The following LRRC4C variants were observed in gnomAD, a reference collection of about 807,000 sequenced individuals.
LRRC4C encodes the protein leucine-rich repeat-containing protein 4C.
In LRRC4C, 5 loss-of-function variants were observed where a neutral mutation model predicts 33.6. The ratio of observed to expected loss-of-function variants is 0.15; its 90% CI spans 0.08 to 0.31. The LOEUF is 0.31. Ranked by LOEUF, LRRC4C falls within the 10% of genes least tolerant of loss-of-function variation. The pLI, the probability that LRRC4C is intolerant of heterozygous loss-of-function variation, is 1.00. For missense variants in LRRC4C, 560 were observed against 796.7 expected, an observed-to-expected ratio of 0.70 and a Z score of 3.58; for synonymous variants, 329 against 302.0, an observed-to-expected ratio of 1.09 and a Z score of -0.93.
chr11:40,721,030 T>C (rs907546896), intron 2 of LRRC4C, among the ~76,000 whole-genome samples: 5 of 152,200 alleles, frequency 3.3e-5, no homozygotes, highest in Admixed American at 3.3e-4. Context: ...TTTCTATACT[T>C]ACTATTAGTA....
chr11:41,026,422 A>C (rs761417396), intron 1 of LRRC4C, among the ~76,000 whole-genome samples: 2 of 151,670 alleles, frequency 1.3e-5, no homozygotes, highest in South Asian at 2.1e-4. Context: ...TTAGGATCAA[A>C]CTTTAATGAG....
intron 3 of LRRC4C, among the ~76,000 whole-genome samples, chr11:40,555,930 C>T (rs563057453): frequency 4.3e-4 from 65 of 152,120 alleles, no homozygotes; most frequent in African/African-American, 1.5e-3. Flanking sequence ...TTTCAATGTT[C>T]CTTATTTTAT....
chr11:41,087,416 C>A (rs76299061), intron 1 of LRRC4C, among the ~76,000 whole-genome samples: 10,539 of 152,212 alleles, frequency 0.069, 559 homozygotes, highest in East Asian at 0.21. Flanking sequence ...ATGAGCATTT[C>A]CAACTTGTTT....
chr11:40,490,586 C>T (rs1289875022), intron 3 of LRRC4C, among the ~76,000 whole-genome samples: 3 of 152,156 alleles, frequency 2.0e-5, no homozygotes, highest in African/African-American at 7.2e-5. Flanking sequence ...TCTCTTAACC[C>T]TTGGGCCTGA....
chr11:40,790,679 A>C (rs1047637984), intron 2 of LRRC4C, among the ~76,000 whole-genome samples: 1 of 152,210 alleles, frequency 6.6e-6, no homozygotes, highest in Non-Finnish European at 1.5e-5. Flanking sequence ...TCTGTAAAAC[A>C]TATCTTTCAG....
chr11:40,978,733 T>C (rs1484919371), intron 1 of LRRC4C, among the ~76,000 whole-genome samples: 3 of 151,468 alleles, frequency 2.0e-5, no homozygotes, highest in African/African-American at 7.3e-5. Context: ...GCGATTCTCC[T>C]GCCTCAACCT....
At chr11:40,713,002 C>A (rs1056959833) in intron 2 of LRRC4C, among the ~76,000 whole-genome samples, 2 of 151,638 alleles carry the variant, frequency 1.3e-5, no homozygotes, top group African/African-American at 4.8e-5. Flanking sequence ...GATTCTCCTG[C>A]CTCAGTCTCC....
intron 3 of LRRC4C, among the ~76,000 whole-genome samples, chr11:40,452,964 C>A (rs192318386): frequency 5.4e-4 from 75 of 138,706 alleles, no homozygotes; most frequent in Non-Finnish European, 7.9e-4. Context: ...TCTCACTCAT[C>A]GGTGGGAATC....
chr11:40,629,644 A>C (rs1210189783), intron 3 of LRRC4C, among the ~76,000 whole-genome samples: 1 of 152,170 alleles, frequency 6.6e-6, no homozygotes, highest in African/African-American at 2.4e-5. Context: ...CATAGCTTTG[A>C]TTAAGAACAT....
chr11:40,528,132 C>A (rs1373332619), intron 3 of LRRC4C, among the ~76,000 whole-genome samples: 1 of 152,022 alleles, frequency 6.6e-6, no homozygotes, highest in Non-Finnish European at 1.5e-5. Flanking sequence ...AAACTGATTT[C>A]TTGGATATAA....
chr11:41,380,129 A>G (rs1012134044), intron 1 of LRRC4C, among the ~76,000 whole-genome samples: 1 of 152,170 alleles, frequency 6.6e-6, no homozygotes, highest in Non-Finnish European at 1.5e-5. Flanking sequence ...GCACAGCTTT[A>G]GAGTAGCTAA....
intron 3 of LRRC4C, among the ~76,000 whole-genome samples, chr11:40,384,519 G>T (rs181109360): frequency 2.4e-4 from 37 of 152,248 alleles, no homozygotes; most frequent in Middle Eastern, 3.4e-3. Context: ...ACATATAGCA[G>T]AACCAGGATT....
chr11:40,119,805 C>T (rs923672804), intron 6 of LRRC4C, among the ~76,000 whole-genome samples: 1 of 152,046 alleles, frequency 6.6e-6, no homozygotes, highest in African/African-American at 2.4e-5. Flanking sequence ...ATATGCAAAC[C>T]AGCCAATCCA....
intron 1 of LRRC4C, among the ~76,000 whole-genome samples, chr11:40,962,242 C>T (rs1410157773): frequency 6.6e-6 from 1 of 151,418 alleles, no homozygotes; most frequent in African/African-American, 2.4e-5. Context: ...GAGGAAGGGA[C>T]CATGAATCAA....
intron 1 of LRRC4C, among the ~76,000 whole-genome samples, chr11:41,396,432 G>A (rs2939766): frequency 0.33 from 49,392 of 151,660 alleles, 9,076 homozygotes; most frequent in East Asian, 0.59. Context: ...TGAGTCCTTG[G>A]CCTATATTTC....
chr11:40,794,780 G>A (rs374655620), intron 2 of LRRC4C, among the ~76,000 whole-genome samples: 3 of 152,152 alleles, frequency 2.0e-5, no homozygotes, highest in South Asian at 2.1e-4. Context: ...AGCCAGGAGT[G>A]TAGGGAAACA....
At chr11:40,504,426 A>G (rs989467324) in intron 3 of LRRC4C, among the ~76,000 whole-genome samples, 4 of 152,010 alleles carry the variant, frequency 2.6e-5, no homozygotes, top group African/African-American at 9.7e-5. Context: ...TCCCACAGAA[A>G]AAGACTCAGA....
intron 1 of LRRC4C, among the ~76,000 whole-genome samples, chr11:41,062,182 A>ATTTCTAT (rs1937829303): frequency 6.6e-6 from 1 of 152,150 alleles, no homozygotes; most frequent in African/African-American, 2.4e-5. Context: ...TGTACAGATT[A>ATTTCTAT]TTTCATCACC....
At chr11:41,429,224 C>T (rs1374128445) in intron 1 of LRRC4C, among the ~76,000 whole-genome samples, 1 of 152,128 alleles carries the variant, frequency 6.6e-6, no homozygotes, top group Non-Finnish European at 1.5e-5. Context: ...CTGTTTGTTT[C>T]CCCTTCCACC....
Sources: allele counts gnomAD v4.1 joint callset (sites outside exome capture counted in the v4.1 genomes callset), GRCh38; gene constraint gnomAD v4.1.1; transcripts MANE v1.5; gene names NCBI Gene and HGNC (gene_info 2026-07-23, HGNC 2026-07-21).